The following GPR89A variants were observed in gnomAD, a reference collection of about 807,000 sequenced individuals.
GPR89A encodes G protein-coupled receptor 89A.
In GPR89A, 16 loss-of-function variants were observed where a neutral mutation model predicts 52.0. That is an observed-to-expected ratio of 0.31 (90% CI 0.21 to 0.47). GPR89A has a LOEUF of 0.47. GPR89A is among the 20% of genes least tolerant of loss of function. The pLI is 1.00. For synonymous variants in GPR89A, 55 were observed against 150.9 expected (o/e 0.36, Z 4.66); for missense variants, 135 against 449.4 (o/e 0.30, Z 6.33).
intron 1 of GPR89A, chr1:145,611,671 A>G (rs1229265430): frequency 5.4e-5 from 4 of 74,110 alleles, no homozygotes; most frequent in Non-Finnish European, 1.0e-4. Flanking sequence ...CTTCCATTTC[A>G]TAGCAATCTT....
chr1:145,630,110 T>C (rs1167789286), intron 5 of GPR89A, among the ~76,000 whole-genome samples: 67 of 150,122 alleles, frequency 4.5e-4, no homozygotes, highest in African/African-American at 1.6e-3. Context: ...TATGAAACAA[T>C]TGATAATTAG....
chr1:145,668,286 C>A (rs1390591817), intron 12 of GPR89A, among the ~76,000 whole-genome samples: 1 of 152,164 alleles, frequency 6.6e-6, no homozygotes, highest in African/African-American at 2.4e-5. Flanking sequence ...AGGTCCTTCA[C>A]ATCCCTTGTA....
At chr1:145,628,889 G>A (rs1227555310) in intron 5 of GPR89A, among the ~76,000 whole-genome samples, 1 of 152,074 alleles carries the variant, frequency 6.6e-6, no homozygotes, top group Admixed American at 6.6e-5. Flanking sequence ...GTAACTAGAC[G>A]TAAACTCGAA....
chr1:145,612,747 C>A (rs371689719), intron 1 of GPR89A, among the ~76,000 whole-genome samples: 21 of 152,282 alleles, frequency 1.4e-4, no homozygotes, highest in African/African-American at 4.6e-4. Context: ...TCCTTCTCAT[C>A]TTTTTCTCCT....
At chr1:145,641,328 G>C (rs1650638947) in intron 7 of GPR89A, among the ~76,000 whole-genome samples, 1 of 151,908 alleles carries the variant, frequency 6.6e-6, no homozygotes. Context: ...ACAGATTCGT[G>C]GTTGCCAGAA....
Position 145,665,587 on chromosome 1 carries a change from C to T in GPR89A, c.1031C>T (p.Ser344Phe). 7.2e-7 allele frequency: 1 copy of T among 1,386,186 alleles called. No homozygotes were observed. The allele number at this position is 1,386,186 out of a possible 1,614,324, so 85.9% of individuals were successfully genotyped here. ...FDVKFWSQHI[S>F]FILVGIIIVT... ...GTGAAGTTTTGGTCCCAACACATTT[C>T]CTTCATTCTTGTTGGAATAATCATC... Residue 344 changes from serine to phenylalanine, a missense_variant, in exon 12 of 14, where the codon TCC (serine) becomes TTC (phenylalanine). Physicochemically the swap from Ser to Phe is radical, Grantham distance 155 (BLOSUM62 -2). This residue lies in a region of GPR89A where 28 missense variants were observed against 61.6 expected (regional missense o/e 0.45). Transcript: ENST00000313835.
At chr1:145,616,319 T>G (rs781903410) in intron 2 of GPR89A, 26 bp downstream of exon 2, 6 of 1,584,164 alleles carry the variant, frequency 3.8e-6, no homozygotes, top group Non-Finnish European at 5.2e-6. Flanking sequence ...TTTGTCATAC[T>G]TACACTATAT....
intron 1 of GPR89A, among the ~76,000 whole-genome samples, chr1:145,609,385 T>A (rs1553685727): frequency 6.6e-6 from 1 of 152,216 alleles, no homozygotes; most frequent in Non-Finnish European, 1.5e-5. Flanking sequence ...TCTAATGCAA[T>A]AGTTTTTTCA....
chr1:145,645,496 C>T (rs1650921244), intron 8 of GPR89A: 6 of 436,620 alleles, frequency 1.4e-5, no homozygotes, highest in South Asian at 4.9e-5. Context: ...CCCCTGTTCT[C>T]TAAATGGGAG....
intron 9 of GPR89A, 98 bp from the exon 10 acceptor site, chr1:145,647,077 A>T (rs1161677808): frequency 3.1e-5 from 47 of 1,520,662 alleles, no homozygotes; most frequent in Admixed American, 6.6e-5. Flanking sequence ...TGGTTTTTTG[A>T]CTTAGCCTGA....
intron 1 of GPR89A, 152 bp from the exon 2 acceptor site, chr1:145,616,082 T>TTTAATA: frequency 1.6e-6 from 1 of 618,770 alleles, no homozygotes; most frequent in South Asian, 2.2e-5. Flanking sequence ...TGTCATGAGC[T>TTTAATA]TTAATAATAG....
At chr1:145,634,922 C>G (rs587657975) in intron 7 of GPR89A, among the ~76,000 whole-genome samples, 11 of 152,178 alleles carry the variant, frequency 7.2e-5, no homozygotes, top group African/African-American at 2.7e-4. Flanking sequence ...GAATGATGAA[C>G]AAGATAATCA....
chr1:145,649,865 A>C (rs1651328664), intron 10 of GPR89A, among the ~76,000 whole-genome samples: 1 of 152,006 alleles, frequency 6.6e-6, no homozygotes, highest in African/African-American at 2.4e-5. Context: ...GTGATATTGC[A>C]TTGTGGTTTT....
intron 11 of GPR89A, 126 bp downstream of exon 11, chr1:145,663,550 T>C (rs1256813545): frequency 7.5e-5 from 53 of 702,666 alleles, no homozygotes; most frequent in Non-Finnish European, 1.1e-4. Context: ...CCACTCTGTA[T>C]ATTTTGACGT....
At chr1:145,646,368 G>A in intron 9 of GPR89A, 96 bp downstream of exon 9, 1 of 893,582 alleles carries the variant, frequency 1.1e-6, no homozygotes, top group African/African-American at 1.7e-5. Context: ...GGCCAAGCAA[G>A]AGATACCTCA....
chr1:145,654,162 C>T (rs1651650872), intron 10 of GPR89A, among the ~76,000 whole-genome samples: 2 of 151,962 alleles, frequency 1.3e-5, no homozygotes, highest in East Asian at 1.9e-4. Flanking sequence ...GTCACAAGTT[C>T]CCTCAGCATT....
chr1:145,610,315 G>C (rs1360182253), intron 1 of GPR89A, among the ~76,000 whole-genome samples: 1 of 151,876 alleles, frequency 6.6e-6, no homozygotes, highest in Non-Finnish European at 1.5e-5. Context: ...CACGGCACAG[G>C]ATGAAGTTCA....
At chr1:145,615,403 G>C (rs1171109940) in intron 1 of GPR89A, among the ~76,000 whole-genome samples, 1 of 151,802 alleles carries the variant, frequency 6.6e-6, no homozygotes, top group Non-Finnish European at 1.5e-5. Context: ...GAGCGCAGTG[G>C]TGCAATCATG....
chr1:145,652,672 C>CT (rs1188104667), intron 10 of GPR89A, among the ~76,000 whole-genome samples: 1 of 122,364 alleles, frequency 8.2e-6, no homozygotes, highest in Non-Finnish European at 1.6e-5. Flanking sequence ...ATCAGAACTC[C>CT]TTATGGGTCT....
Sources: allele counts gnomAD v4.1 joint callset (sites outside exome capture counted in the v4.1 genomes callset), GRCh38; gene constraint gnomAD v4.1.1; regional missense constraint gnomAD v4.1.1; transcripts MANE v1.5; gene names NCBI Gene and HGNC (gene_info 2026-07-23, HGNC 2026-07-21).